The following KCNMA1 variants were observed in gnomAD, a reference collection of about 807,000 sequenced individuals.
The protein encoded by KCNMA1 is potassium calcium-activated channel subfamily M alpha 1, also known as Calcium-activated potassium channel subunit alpha-1.
A neutral mutation model predicts 140.0 loss-of-function variants in KCNMA1; 29 were observed. The observed-to-expected ratio is 0.21, with a 90% CI of 0.15 to 0.28. The LOEUF (loss-of-function observed/expected upper bound fraction) is 0.28. Among genes scored for constraint, KCNMA1 ranks in the 10% least tolerant of loss-of-function variants. The pLI is 1.00. For synonymous variants in KCNMA1, 612 were observed against 611.9 expected, an observed-to-expected ratio of 1.00 and a Z score of 0.00; for missense variants, 880 against 1,602.2, an observed-to-expected ratio of 0.55 and a Z score of 7.70.
chr10:76,899,349 G>T (rs2044040860), intron 25 of KCNMA1, among the ~76,000 whole-genome samples: 1 of 152,022 alleles, frequency 6.6e-6, no homozygotes, highest in African/African-American at 2.4e-5. Context: ...AATTTTAAAG[G>T]TTTCCTAACC....
In KCNMA1 at chr10:77,409,845, A is replaced by G. The variant is rs570802067; in HGVS notation, c.379-5822T>C. ...CAAAAGATACTCTGGACCAAGTCCA[A>G]CTTTTCTGGGTGGCCTCCAGCAAGT... On this transcript the variant is annotated intron_variant, in intron 1 of 27. Coordinates refer to ENST00000286628, the MANE Select transcript of KCNMA1 (RefSeq NM_001161352.2). 3.9e-5 allele frequency among the ~76,000 whole-genome samples: 6 copies of G among 152,248 alleles called. 1 individual carries two copies. The South Asian group carries it at 1.2e-3, about 32-fold the overall frequency.
At chr10:77,183,346 C>T (rs1343763388) in intron 5 of KCNMA1, 75 bp downstream of exon 5, 2 of 951,552 alleles carry the variant, frequency 2.1e-6, no homozygotes, top group Non-Finnish European at 3.5e-6. Flanking sequence ...AGACAGCCCC[C>T]TCATCCACTG....
intron 2 of KCNMA1, among the ~76,000 whole-genome samples, chr10:77,355,810 C>T (rs1185756214): frequency 6.6e-6 from 1 of 152,174 alleles, no homozygotes; most frequent in South Asian, 2.1e-4. Flanking sequence ...CTAACTAATA[C>T]TAATGTAGAT....
intron 1 of KCNMA1, among the ~76,000 whole-genome samples, chr10:77,613,458 T>C (rs749869046): frequency 1.3e-5 from 2 of 152,132 alleles, no homozygotes; most frequent in Non-Finnish European, 2.9e-5. Flanking sequence ...GGGCAACAAG[T>C]GAAGCAGGAA....
At position 77,007,659 on chromosome 10, in the gene KCNMA1, A is replaced by G. The variant is rs998438781; in HGVS notation, c.2092+4308T>C. 2.4e-3 allele frequency among the ~76,000 whole-genome samples: 161 copies of G among 67,524 alleles called. 2 individuals are homozygous for G. The highest frequency in any genetic ancestry group is 3.3e-3 in the African/African-American group (66 of 19,960). 44.3% of individuals were successfully genotyped at this position (67,524 alleles called of 152,430 possible). A position where few individuals can be genotyped will look rare whatever the true frequency, so the allele number is the denominator to read the frequency against. On this transcript the variant is annotated intron_variant, in intron 18 of 27. Transcript: ENST00000286628. ...TGGTACATATTGTGTGTGTGTATATATATATATATATATATATGTATCACA... is the reference window on the plus strand; with the variant it reads ...TGGTACATATTGTGTGTGTGTATATGTATATATATATATATATGTATCACA...
At chr10:77,377,692 T>TA (rs2095214998) in intron 2 of KCNMA1, among the ~76,000 whole-genome samples, 1 of 152,184 alleles carries the variant, frequency 6.6e-6, no homozygotes, top group Admixed American at 6.5e-5. Flanking sequence ...TCCAGGCCTC[T>TA]AAGAGTGTGA....
chr10:77,083,844 A>C (rs186333869), intron 12 of KCNMA1, among the ~76,000 whole-genome samples: 9,924 of 144,326 alleles, frequency 0.069, 466 homozygotes, highest in East Asian at 0.3. Context: ...CTATGAAAAA[A>C]AACGGGGGGG....
At chr10:77,511,597 T>C (rs1303919410) in intron 1 of KCNMA1, among the ~76,000 whole-genome samples, 2 of 152,194 alleles carry the variant, frequency 1.3e-5, no homozygotes, top group Non-Finnish European at 2.9e-5. Flanking sequence ...ATTTCTGTGA[T>C]GCAGAAATAA....
At chr10:77,636,435 G>T (rs113193958) in intron 1 of KCNMA1, 28 of 1,536,074 alleles carry the variant, frequency 1.8e-5, no homozygotes, top group Non-Finnish European at 2.4e-5. Flanking sequence ...AAGACGCTCC[G>T]CGTAAAACCG....
intron 24 of KCNMA1, chr10:76,914,404 T>A: frequency 1.9e-6 from 1 of 513,622 alleles, no homozygotes; most frequent in South Asian, 2.9e-5. Context: ...GGGGCCAGAA[T>A]GGCATTTGCT....
intron 1 of KCNMA1, among the ~76,000 whole-genome samples, chr10:77,568,249 C>T (rs960448173): frequency 7.9e-5 from 12 of 152,160 alleles, no homozygotes; most frequent in African/African-American, 2.4e-4. Context: ...CCAGCATCAT[C>T]CTGATACCAA....
At chr10:77,602,377 T>G (rs1015145082) in intron 1 of KCNMA1, among the ~76,000 whole-genome samples, 1 of 152,144 alleles carries the variant, frequency 6.6e-6, no homozygotes, top group African/African-American at 2.4e-5. Flanking sequence ...CAGACAGCAG[T>G]TCAGTAGCGT....
intron 1 of KCNMA1, among the ~76,000 whole-genome samples, chr10:77,485,012 C>G (rs1403794459): frequency 6.6e-6 from 1 of 152,184 alleles, no homozygotes; most frequent in Non-Finnish European, 1.5e-5. Context: ...CATTAAACAT[C>G]AACTAAGGGA....
At chr10:76,963,703 C>G (rs1207464267) in intron 20 of KCNMA1, among the ~76,000 whole-genome samples, 2 of 152,220 alleles carry the variant, frequency 1.3e-5, no homozygotes, top group African/African-American at 2.4e-5. Flanking sequence ...TAATGACTCT[C>G]TCTTGCTGAC....
At chr10:77,347,175 A>G (rs1034504230) in intron 2 of KCNMA1, among the ~76,000 whole-genome samples, 18 of 152,208 alleles carry the variant, frequency 1.2e-4, no homozygotes, top group African/African-American at 3.9e-4. Flanking sequence ...ACCCTAGCAC[A>G]GAGCCTGATA....
intron 1 of KCNMA1, among the ~76,000 whole-genome samples, chr10:77,512,805 A>C (rs1272255193): frequency 6.6e-6 from 1 of 152,156 alleles, no homozygotes; most frequent in Non-Finnish European, 1.5e-5. Context: ...CCCTGTCAAC[A>C]CCATGATCTT....
At chr10:77,352,560 G>T (rs1214130270) in intron 2 of KCNMA1, among the ~76,000 whole-genome samples, 2 of 152,172 alleles carry the variant, frequency 1.3e-5, no homozygotes, top group Non-Finnish European at 2.9e-5. Context: ...AACCACTCGT[G>T]TCTAGTGGCT....
intron 1 of KCNMA1, among the ~76,000 whole-genome samples, chr10:77,560,538 C>A (rs2066014948): frequency 6.6e-6 from 1 of 152,184 alleles, no homozygotes; most frequent in Admixed American, 6.5e-5. Flanking sequence ...GGTTCTCAGT[C>A]CATGCAGCCT....
intron 1 of KCNMA1, among the ~76,000 whole-genome samples, chr10:77,625,717 G>A (rs1428893000): frequency 1.3e-5 from 2 of 152,144 alleles, no homozygotes; most frequent in Non-Finnish European, 2.9e-5. Context: ...TCTGTTGTAT[G>A]TACCTACCAC....
Sources: allele counts gnomAD v4.1 joint callset (sites outside exome capture counted in the v4.1 genomes callset), GRCh38; gene constraint gnomAD v4.1.1; transcripts MANE v1.5; gene names NCBI Gene and HGNC (gene_info 2026-07-23, HGNC 2026-07-21).